The following LINGO2 variants were observed in gnomAD, a reference collection of about 807,000 sequenced individuals.
The protein encoded by LINGO2 is leucine-rich repeat and immunoglobulin-like domain-containing nogo receptor-interacting protein 2.
A neutral mutation model predicts 30.6 loss-of-function variants in LINGO2; 14 were observed. The ratio of observed to expected loss-of-function variants is 0.46; its 90% CI spans 0.30 to 0.72. LINGO2 has a LOEUF of 0.72. Ranked by LOEUF, LINGO2 falls within the 30% of genes least tolerant of loss-of-function variation. The pLI is 0.07. For synonymous variants in LINGO2, 317 were observed against 288.5 expected (o/e 1.10, Z -1.00); for missense variants, 729 against 751.7 (o/e 0.97, Z 0.35).
chr9:28,117,295 G>T (rs1294410806), intron 4 of LINGO2, among the ~76,000 whole-genome samples: 2 of 149,470 alleles, frequency 1.3e-5, no homozygotes, highest in Non-Finnish European at 3.0e-5. Flanking sequence ...CGTGCTGGGA[G>T]AACCACTGCT....
In LINGO2 at chr9:27,950,340, C is replaced by T. The variant is rs1040309410; in HGVS notation, c.332G>A (p.Arg111His). ...CAGCTTTAGACGATTGCCTTTTAGG[C>T]GGAGGGAACGCAGGTTAAAGAGATT... The change falls in exon 6 of 6, where the codon CGC (arginine) becomes CAC (histidine). Residue 111 changes from arginine (R) to histidine (H), a missense_variant. Coordinates refer to ENST00000379992, the Ensembl canonical transcript of LINGO2. The T allele has an allele frequency of 1.5e-5, 24 of 1,613,970 alleles. No individual in the cohort carries two copies. Among genetic ancestry groups the T allele is most frequent in the Non-Finnish European group, 1.7e-5 (20 of 1,179,990 alleles).
the LINGO2 span, among the ~76,000 whole-genome samples, chr9:29,109,573 C>T: frequency 6.6e-6 from 1 of 152,088 alleles, no homozygotes; most frequent in African/African-American, 2.4e-5. Flanking sequence ...AGTCCATGGC[C>T]TCATGAAATT....
chr9:28,485,286 C>A (rs996721723), intron 1 of LINGO2, among the ~76,000 whole-genome samples: 1 of 152,118 alleles, frequency 6.6e-6, no homozygotes, highest in African/African-American at 2.4e-5. Context: ...AAGCAACTTA[C>A]TTTATTATAT....
chr9:28,104,151 C>A (rs572699079), intron 4 of LINGO2, among the ~76,000 whole-genome samples: 6 of 151,796 alleles, frequency 4.0e-5, no homozygotes, highest in African/African-American at 9.7e-5. Context: ...TCCTCTCTGT[C>A]CTTCTTGGGT....
chr9:28,884,315 T>G, the LINGO2 span, among the ~76,000 whole-genome samples: 1 of 151,922 alleles, frequency 6.6e-6, no homozygotes, highest in Admixed American at 6.6e-5. Context: ...CCTTGATAAT[T>G]GTATTTGATT....
At chr9:28,527,894 AG>A (rs1461414227) in intron 1 of LINGO2, among the ~76,000 whole-genome samples, 1 of 152,216 alleles carries the variant, frequency 6.6e-6, no homozygotes, top group Non-Finnish European at 1.5e-5. Flanking sequence ...CACAAACAAA[AG>A]ATCTTATATA....
chr9:28,612,228 AT>A (rs993250090), intron 1 of LINGO2, among the ~76,000 whole-genome samples: 22 of 151,920 alleles, frequency 1.4e-4, no homozygotes, highest in Non-Finnish European at 3.1e-4. Flanking sequence ...AGTCCAGCTA[AT>A]TTTTTTGTTT....
At chr9:28,807,605 A>G in the LINGO2 span, among the ~76,000 whole-genome samples, 16 of 152,230 alleles carry the variant, frequency 1.1e-4, no homozygotes, top group Non-Finnish European at 2.4e-4. Flanking sequence ...CATTTAAAAT[A>G]GAAGTTTTAA....
chr9:28,814,226 C>G, the LINGO2 span, among the ~76,000 whole-genome samples: 1 of 152,122 alleles, frequency 6.6e-6, no homozygotes, highest in African/African-American at 2.4e-5. Context: ...ATCATGAAGT[C>G]AAGACATTGA....
At chr9:28,183,659 C>T (rs1245796700) in intron 4 of LINGO2, among the ~76,000 whole-genome samples, 1 of 152,080 alleles carries the variant, frequency 6.6e-6, no homozygotes, top group East Asian at 1.9e-4. Flanking sequence ...AAAACTGTTG[C>T]AAGGACATTG....
At chr9:28,019,657 T>A (rs1197276577) in intron 4 of LINGO2, among the ~76,000 whole-genome samples, 1 of 152,154 alleles carries the variant, frequency 6.6e-6, no homozygotes, top group South Asian at 2.1e-4. Context: ...CCTAATTTAT[T>A]CTTTTTGCTT....
At chr9:29,197,471 G>C in the LINGO2 span, among the ~76,000 whole-genome samples, 89 of 152,022 alleles carry the variant, frequency 5.9e-4, no homozygotes, top group African/African-American at 2.1e-3. Context: ...TGAATCAGAA[G>C]ACAGAGATAA....
chr9:28,848,800 T>G, the LINGO2 span, among the ~76,000 whole-genome samples: 1 of 151,804 alleles, frequency 6.6e-6, no homozygotes, highest in Admixed American at 6.6e-5. Context: ...GAGTTTTATT[T>G]TAAATACAGC....
the LINGO2 span, among the ~76,000 whole-genome samples, chr9:28,692,652 T>C: frequency 3.3e-5 from 5 of 152,262 alleles, no homozygotes; most frequent in South Asian, 1.0e-3. Flanking sequence ...TCCTGAAATA[T>C]GATCTCTCCA....
intron 5 of LINGO2, among the ~76,000 whole-genome samples, chr9:27,975,808 T>C (rs1192045671): frequency 6.6e-6 from 1 of 152,168 alleles, no homozygotes; most frequent in East Asian, 1.9e-4. Flanking sequence ...ATAGGTGAAA[T>C]CTGACACAAA....
At chr9:28,498,949 T>G (rs962382373) in intron 1 of LINGO2, among the ~76,000 whole-genome samples, 1 of 152,180 alleles carries the variant, frequency 6.6e-6, no homozygotes, top group African/African-American at 2.4e-5. Flanking sequence ...AATTATCCAC[T>G]ATGATATTTT....
chr9:28,544,294 G>A (rs1402425227), intron 1 of LINGO2, among the ~76,000 whole-genome samples: 1 of 152,076 alleles, frequency 6.6e-6, no homozygotes, highest in Non-Finnish European at 1.5e-5. Context: ...ATGGAATAGA[G>A]TTGCCAGTTC....
the LINGO2 span, among the ~76,000 whole-genome samples, chr9:28,732,612 G>A: frequency 2.0e-5 from 3 of 151,948 alleles, no homozygotes; most frequent in Admixed American, 6.6e-5. Context: ...AGAAACAAAA[G>A]AACATAGATA....
intron 1 of LINGO2, among the ~76,000 whole-genome samples, chr9:28,567,098 T>C (rs1056241696): frequency 3.9e-5 from 6 of 152,132 alleles, no homozygotes; most frequent in African/African-American, 1.4e-4. Flanking sequence ...ATACCAGTGG[T>C]CATTTTATAG....
Sources: allele counts gnomAD v4.1 joint callset (sites outside exome capture counted in the v4.1 genomes callset), GRCh38; gene constraint gnomAD v4.1.1; transcripts MANE v1.5; gene names NCBI Gene and HGNC (gene_info 2026-07-23, HGNC 2026-07-21).